CALB1: variants seen among roughly 807,000 people sequenced by gnomAD.
CALB1 encodes calbindin.
Under a neutral mutation model 46.7 loss-of-function variants are expected in CALB1, and 16 were observed. That is an observed-to-expected ratio of 0.34 (90% CI 0.23 to 0.52). The LOEUF (loss-of-function observed/expected upper bound fraction) is 0.52, where lower values mean the gene tolerates loss of function less well. Ranked by LOEUF, CALB1 falls within the 20% of genes least tolerant of loss-of-function variation. CALB1 has a pLI of 0.95. For missense variants in CALB1, 224 were observed against 300.3 expected, an observed-to-expected ratio of 0.75 and a Z score of 1.88; for synonymous variants, 90 against 112.8, an observed-to-expected ratio of 0.80 and a Z score of 1.28.
intron 9 of CALB1, chr8:90,062,292 G>C (rs1252778287): frequency 2.0e-5 from 3 of 151,912 alleles, no homozygotes; most frequent in Admixed American, 6.6e-5. Flanking sequence ...CAATGATATT[G>C]TGGATATGAA....
intron 6 of CALB1, 30 bp from the exon 7 acceptor site, chr8:90,063,491 A>C: frequency 3.8e-6 from 6 of 1,568,674 alleles, no homozygotes; most frequent in Non-Finnish European, 5.3e-6. Context: ...TATTCTAGCT[A>C]TTTGAGGAAT....
intron 5 of CALB1, 100 bp downstream of exon 5, chr8:90,068,898 A>T (rs1258482320): frequency 2.6e-6 from 2 of 782,844 alleles, no homozygotes; most frequent in South Asian, 1.8e-5. Flanking sequence ...ACTGTTCAAC[A>T]TTAGTTTCTT....
intron 6 of CALB1, among the ~76,000 whole-genome samples, chr8:90,065,095 G>C (rs1227569091): frequency 6.6e-6 from 1 of 151,788 alleles, no homozygotes; most frequent in African/African-American, 2.4e-5. Flanking sequence ...TACCTTCACA[G>C]TACTGAAAGC....
chr8:90,074,832 A>T (rs1004324241), intron 3 of CALB1, among the ~76,000 whole-genome samples: 13 of 152,046 alleles, frequency 8.6e-5, no homozygotes, highest in African/African-American at 3.1e-4. Context: ...TGCCAAAAGG[A>T]TCAGGTGAAA....
In CALB1 at chr8:90,058,758, T is replaced by A. The variant is rs1178550527; in HGVS notation, c.*1415A>T. The A allele has an allele frequency of 6.6e-6, 1 of 152,236 alleles. No individual in the cohort carries two copies. Among genetic ancestry groups the A allele is most frequent in the South Asian group, 2.1e-4 (1 of 4,836 alleles). The allele number at this position is 152,236 out of a possible 1,614,324, so 9.4% of individuals were successfully genotyped here. Reference sequence around the variant, plus strand: ...GGCAAATCTCGTTTCTGTTTGTTCTTGAGGGAAACATTATAGCTCACATTT... The same window carrying A: ...GGCAAATCTCGTTTCTGTTTGTTCTAGAGGGAAACATTATAGCTCACATTT... On this transcript the variant is annotated 3_prime_UTR_variant, in exon 11 of 11. Coordinates refer to ENST00000265431, the MANE Select transcript of CALB1 (RefSeq NM_004929.4).
chr8:90,070,869 T>A (rs1000857605), intron 3 of CALB1, among the ~76,000 whole-genome samples: 1 of 151,820 alleles, frequency 6.6e-6, no homozygotes, highest in African/African-American at 2.4e-5. Flanking sequence ...TGTGTGTGTG[T>A]GTGTGTGTGT....
intron 3 of CALB1, among the ~76,000 whole-genome samples, chr8:90,073,774 GTCA>G (rs768145966): frequency 3.9e-5 from 6 of 152,174 alleles, no homozygotes; most frequent in Non-Finnish European, 8.8e-5. Context: ...GGTGACCACA[GTCA>G]CCACTAGTGA....
chr8:90,070,475 T>G (rs1445701447), intron 3 of CALB1, among the ~76,000 whole-genome samples: 1 of 152,132 alleles, frequency 6.6e-6, no homozygotes, highest in Non-Finnish European at 1.5e-5. Flanking sequence ...ATTTAAAAAT[T>G]TAATATTTAA....
intron 3 of CALB1, among the ~76,000 whole-genome samples, chr8:90,070,969 CT>C (rs1425914599): frequency 6.6e-6 from 1 of 151,798 alleles, no homozygotes; most frequent in Non-Finnish European, 1.5e-5. Context: ...TCATAAAATT[CT>C]ATACCTCAGA....
chr8:90,081,181 G>A (rs1563685425), intron 2 of CALB1, among the ~76,000 whole-genome samples: 2 of 152,044 alleles, frequency 1.3e-5, no homozygotes, highest in Admixed American at 1.3e-4. Flanking sequence ...TAATTAATAA[G>A]AATGGTTATT....
Position 90,065,989 on chromosome 8 carries a change from G to T in CALB1, c.373-14C>A. On this transcript the variant is annotated splice_polypyrimidine_tract_variant and intron_variant, in intron 5 of 10. Coordinates refer to ENST00000265431, the MANE Select transcript of CALB1 (RefSeq NM_004929.4). ...CTTTAGAAAGTTCTGTTAAAACAAA[G>T]AACACTTAGATTAATTTCATTAATA... 2 of 1,521,966 alleles carry T rather than the reference G, an allele frequency of 1.3e-6. No homozygotes were observed. The highest frequency in any genetic ancestry group is 2.2e-5 in the South Asian group (2 of 88,954). The allele number at this position is 1,521,966 out of a possible 1,614,324, so 94.3% of individuals were successfully genotyped here. A position where few individuals can be genotyped will look rare whatever the true frequency, so the allele number is the denominator to read the frequency against.
intron 5 of CALB1, among the ~76,000 whole-genome samples, chr8:90,066,665 AG>A (rs1231434682): frequency 6.6e-6 from 1 of 152,098 alleles, no homozygotes; most frequent in Non-Finnish European, 1.5e-5. Flanking sequence ...GATGAAAAAA[AG>A]ATGATTATTA....
intron 6 of CALB1, 168 bp from the exon 7 acceptor site, chr8:90,063,629 A>G (rs1482720733): frequency 5.0e-6 from 3 of 604,188 alleles, no homozygotes; most frequent in South Asian, 2.2e-5. Flanking sequence ...CAATTCTGTA[A>G]TGTGTCCATT....
At chr8:90,060,955 CTTAATG>C (rs1469135720) in intron 9 of CALB1, 6 of 439,106 alleles carry the variant, frequency 1.4e-5, no homozygotes, top group East Asian at 4.3e-5. Context: ...ATGTAATTCA[CTTAATG>C]TTAATAATAT....
intron 5 of CALB1, 22 bp downstream of exon 5, chr8:90,068,976 G>T (rs751159993): frequency 6.4e-7 from 1 of 1,573,492 alleles, no homozygotes. Context: ...GAAAAACTTA[G>T]TACAAGTTTT....
intron 9 of CALB1, chr8:90,062,139 C>CA (rs1212674553): frequency 1.3e-5 from 2 of 151,796 alleles, no homozygotes; most frequent in Non-Finnish European, 2.9e-5. Context: ...CAGACACATG[C>CA]AAAATAATGA....
chr8:90,069,974 CT>C (rs200651134), intron 3 of CALB1, among the ~76,000 whole-genome samples: 2,917 of 140,206 alleles, frequency 0.021, 52 homozygotes, highest in African/African-American at 0.06. Flanking sequence ...ATCCTCCTCT[CT>C]TTTTTTTTTT....
intron 3 of CALB1, among the ~76,000 whole-genome samples, chr8:90,075,163 T>C (rs1286736190): frequency 6.6e-6 from 1 of 152,202 alleles, no homozygotes; most frequent in East Asian, 1.9e-4. Flanking sequence ...AACATATTTG[T>C]TTCTAGGTAG....
At chr8:90,072,021 A>T (rs1335189029) in intron 3 of CALB1, among the ~76,000 whole-genome samples, 2 of 152,198 alleles carry the variant, frequency 1.3e-5, no homozygotes, top group Non-Finnish European at 2.9e-5. Context: ...TATTAAAAAC[A>T]TCTACTTAAA....
Sources: allele counts gnomAD v4.1 joint callset (sites outside exome capture counted in the v4.1 genomes callset), GRCh38; gene constraint gnomAD v4.1.1; transcripts MANE v1.5; gene names NCBI Gene and HGNC (gene_info 2026-07-23, HGNC 2026-07-21).